The following RYR1 variants were observed in gnomAD, a reference collection of about 807,000 sequenced individuals.
The protein encoded by RYR1 is central core disease of muscle.
In RYR1, 342 loss-of-function variants were observed where a neutral mutation model predicts 583.5. The ratio of observed to expected loss-of-function variants is 0.59; its 90% CI spans 0.54 to 0.64. The LOEUF is 0.64. Ranked by LOEUF, RYR1 falls within the 30% of genes least tolerant of loss-of-function variation. The probability of loss-of-function intolerance (pLI) is 0.00; values close to 1 mark genes in which losing one functional copy is unlikely to be tolerated. For missense variants in RYR1, 6,032 were observed against 6,917.2 expected (o/e 0.87, Z 4.54); for synonymous variants, 2,791 against 2,822.5 (o/e 0.99, Z 0.35).
At position 38,458,299 on chromosome 19, in the gene RYR1, G is replaced by T; in HGVS notation, c.2167+7G>T. ...GGACTGCATCTCTGGACAGGTACCT[G>T]ACCCCTTCCAGGGGACCCTCACCCC... is the stretch of plus-strand genomic sequence containing the variant. On this transcript the variant is annotated splice_region_variant and intron_variant, in intron 18 of 105. Transcript: ENST00000359596. 1 of 1,613,448 alleles carries T rather than the reference G, an allele frequency of 6.2e-7. No individual in the cohort carries two copies. Among genetic ancestry groups the T allele is most frequent in the South Asian group, 1.1e-5 (1 of 91,060 alleles).
intron 1 of RYR1, among the ~76,000 whole-genome samples, chr19:38,439,348 C>T (rs991262142): frequency 7.9e-5 from 12 of 152,130 alleles, no homozygotes; most frequent in Non-Finnish European, 1.2e-4. Context: ...AACAGGCATA[C>T]GCCACCATGC....
intron 56 of RYR1, 105 bp from the exon 57 acceptor site, chr19:38,506,724 T>TTCG (rs35973146): frequency 3.2e-6 from 5 of 1,562,470 alleles, no homozygotes; most frequent in Non-Finnish European, 4.4e-6. Context: ...TATTCGTATC[T>TTCG]TCTTTATCAC....
At chr19:38,560,376 A>G (rs1486075031) in intron 89 of RYR1, among the ~76,000 whole-genome samples, 2 of 151,022 alleles carry the variant, frequency 1.3e-5, no homozygotes, top group East Asian at 2.0e-4. Flanking sequence ...AGAAAAAAAA[A>G]ACAAAAACAA....
intron 29 of RYR1, among the ~76,000 whole-genome samples, chr19:38,476,905 A>G (rs547236673): frequency 6.6e-6 from 1 of 152,212 alleles, no homozygotes; most frequent in African/African-American, 2.4e-5. Context: ...ATGATGGCTC[A>G]CACCCGTAGT....
At position 38,460,333 on chromosome 19, in the gene RYR1, A is replaced by G. The variant is rs115515082; in HGVS notation, c.2361-42A>G. On this transcript the variant is annotated intron_variant, in intron 19 of 105. Coordinates refer to ENST00000359596, the MANE Select transcript of RYR1 (RefSeq NM_000540.3). ...CCCCACTGACCACAGACTGTCCCCC[A>G]TAACCTCCCCTCAATGATCCCCATT... 6,514 of 1,573,574 alleles carry G rather than the reference A, an allele frequency of 4.1e-3. 228 individuals are homozygous for G. In the African/African-American group the frequency reaches 0.073, roughly 18 times the overall value.
intron 39 of RYR1, 97 bp downstream of exon 39, chr19:38,494,722 C>A: frequency 6.7e-7 from 1 of 1,486,826 alleles, no homozygotes; most frequent in South Asian, 1.1e-5. Context: ...TCTGGCCCAT[C>A]CTCTGGGTGA....
chr19:38,483,013 T>C lies in RYR1; in HGVS notation c.4621-14T>C. On this transcript the variant is annotated splice_polypyrimidine_tract_variant and intron_variant, in intron 31 of 105. Transcript: ENST00000359596. This position sits in a 1 kb window ranked among gnomAD's most constrained non-coding sequence, Gnocchi z 6.3. ...CCACCCGTTTGCTCACCTCGTCCTC[T>C]TCTCCTCTGCCAGGTGGAACCCAAC... is the stretch of plus-strand genomic sequence containing the variant. 1.2e-6 allele frequency: 2 copies of C among 1,612,996 alleles called. No homozygotes were observed. Among genetic ancestry groups the C allele is most frequent in the Non-Finnish European group, 1.7e-6 (2 of 1,179,000 alleles).
Position 38,527,014 on chromosome 19 carries a change from C to T in RYR1, c.10648C>T (p.Arg3550Trp), listed in dbSNP as rs536304635. ...YALKDTDEEVREFLHNNLHLQ... is the reference protein window; with the variant it reads ...YALKDTDEEVWEFLHNNLHLQ... ...CCAGAAAGACACAGATGAGGAGGTC[C>T]GGGAATTTCTGCACAACAACCTTCA... The change falls in exon 72 of 106, where the codon CGG (arginine) becomes TGG (tryptophan). Residue 3550 changes from arginine (R) to tryptophan (W), a missense_variant. This residue lies in a region of RYR1 where 1,493 missense variants were observed against 1,715.5 expected (regional missense o/e 0.87). Coordinates refer to ENST00000359596, the MANE Select transcript of RYR1 (RefSeq NM_000540.3). The T allele has an allele frequency of 1.4e-4, 220 of 1,613,912 alleles. No homozygotes were observed. The South Asian group carries it at 1.7e-3, about 12-fold the overall frequency.
chr19:38,574,196 G>A (rs1015895934), intron 96 of RYR1, among the ~76,000 whole-genome samples: 1 of 150,348 alleles, frequency 6.7e-6, no homozygotes, highest in Non-Finnish European at 1.5e-5. Flanking sequence ...CGAGGTGGAG[G>A]TTGCAGTGAG....
intron 70 of RYR1, among the ~76,000 whole-genome samples, chr19:38,524,966 A>G (rs1362160199): frequency 1.3e-5 from 2 of 152,116 alleles, no homozygotes; most frequent in Non-Finnish European, 1.5e-5. Flanking sequence ...GAGCCAGGCA[A>G]GCATGGTGGT....
intron 89 of RYR1, among the ~76,000 whole-genome samples, chr19:38,559,312 C>CA (rs1401988274): frequency 2.7e-5 from 4 of 147,792 alleles, no homozygotes; most frequent in African/African-American, 1.0e-4. Flanking sequence ...TGGCTCACTG[C>CA]AACATCCGCC....
chr19:38,566,376 G>C (rs554150187), intron 91 of RYR1, among the ~76,000 whole-genome samples: 2 of 146,626 alleles, frequency 1.4e-5, no homozygotes, highest in East Asian at 4.0e-4. Flanking sequence ...TTGAACCCGG[G>C]AGGCAGAGGT....
In RYR1 at chr19:38,490,260, C is replaced by T. The variant is rs750324313; in HGVS notation, c.5999C>T (p.Ser2000Phe). Residue 2000 changes from serine (S) to phenylalanine (F), a missense_variant, in exon 36 of 106, where the codon TCC (serine) becomes TTC (phenylalanine). Ser to Phe is a radical substitution (Grantham distance 155). Coordinates refer to ENST00000359596, the MANE Select transcript of RYR1 (RefSeq NM_000540.3). ...GCAAGACGTACCCGCGAGTTCCGCT[C>T]CCCACCCCAGGAACAGGTCATCTGA... ...ETARRTREFR[S>F]PPQEQINMLL... is the part of the protein sequence containing the mutation. 19 of 1,613,834 alleles carry T rather than the reference C, an allele frequency of 1.2e-5. No homozygotes were observed. Among genetic ancestry groups the T allele is most frequent in the Non-Finnish European group, 1.6e-5 (19 of 1,179,946 alleles).
At position 38,458,072 on chromosome 19, in the gene RYR1, G is replaced by A; in HGVS notation, c.1947G>A (p.Val649=). Residue 649 remains valine (V), a synonymous_variant, in exon 18 of 106, where the codon GTG becomes GTA. Transcript: ENST00000359596. ...GCAGCATCCGCCCCAACATCTTTGT[G>A]GGCCGAGCGGAAGGCACCACGCAGT... ...YVTSIRPNIF[V]GRAEGTTQYS... 1 of 1,613,662 alleles carries A rather than the reference G, an allele frequency of 6.2e-7. No individual in the cohort carries two copies.
chr19:38,582,056 G>A (rs573868446), intron 101 of RYR1, among the ~76,000 whole-genome samples: 64 of 152,274 alleles, frequency 4.2e-4, no homozygotes, highest in Middle Eastern at 3.4e-3. Flanking sequence ...TGTAATAGTA[G>A]TTGCTTTTAG....
chr19:38,581,202 C>T (rs1472732748), intron 101 of RYR1, among the ~76,000 whole-genome samples: 4 of 152,108 alleles, frequency 2.6e-5, no homozygotes, highest in East Asian at 3.9e-4. Flanking sequence ...CTCTGCCTCC[C>T]GAGTAGCTGG....
At position 38,544,001 on chromosome 19, in the gene RYR1, C is replaced by G. The variant is rs999034365; in HGVS notation, c.12012+126C>G. ...CCGGCATGTTCCAGACTGGTTCCCT[C>G]TCAGTGGCCAAATCCATCCTCTTTC... On this transcript the variant is annotated intron_variant, in intron 87 of 105. Coordinates refer to ENST00000359596, the MANE Select transcript of RYR1 (RefSeq NM_000540.3). 7 of 912,786 alleles carry G rather than the reference C, an allele frequency of 7.7e-6. No individual in the cohort carries two copies. In the African/African-American group the frequency reaches 9.8e-5, roughly 13 times the overall value. 56.5% of individuals were successfully genotyped at this position (912,786 alleles called of 1,614,324 possible).
intron 1 of RYR1, among the ~76,000 whole-genome samples, chr19:38,440,047 G>A (rs1814478846): frequency 6.6e-6 from 1 of 152,224 alleles, no homozygotes; most frequent in African/African-American, 2.4e-5. Context: ...CAGTTGGACT[G>A]AGGTTCAAAT....
In RYR1 at chr19:38,565,757, A is replaced by T; in HGVS notation, c.13423A>T (p.Lys4475Ter). 1 of 1,411,478 alleles carries T rather than the reference A, an allele frequency of 7.1e-7. No homozygotes were observed. Among genetic ancestry groups the T allele is most frequent in the Non-Finnish European group, 9.2e-7 (1 of 1,090,784 alleles). 87.4% of individuals were successfully genotyped at this position (1,411,478 alleles called of 1,614,324 possible). A position where few individuals can be genotyped will look rare whatever the true frequency, so the allele number is the denominator to read the frequency against. The change falls in exon 91 of 106, where the codon AAG (lysine) becomes TAG (stop). Residue 4475 changes from lysine (K) to a stop codon, truncating the protein, a stop_gained. Coordinates refer to ENST00000359596, the MANE Select transcript of RYR1 (RefSeq NM_000540.3). LOFTEE classifies it high-confidence loss of function. The surrounding 1 kb of genome is among the most constrained non-coding windows in gnomAD (Gnocchi z 4.7). ...CACACCCGAGGGCTCTCCCATCCTC[A>T]AGAGGAAATTGGGGGTGAGAGAGCA... ...PPTPEGSPIL[K>*]RKLGVDGVEE...
Sources: allele counts gnomAD v4.1 joint callset (sites outside exome capture counted in the v4.1 genomes callset), GRCh38; gene constraint gnomAD v4.1.1; regional missense constraint gnomAD v4.1.1; non-coding constraint Gnocchi (gnomAD v3.1); transcripts MANE v1.5; gene names NCBI Gene and HGNC (gene_info 2026-07-23, HGNC 2026-07-21).